The following BAHCC1 variants were observed in gnomAD, a reference collection of about 807,000 sequenced individuals.
The protein encoded by BAHCC1 is BAH domain and coiled-coil containing 1, also known as BAH and coiled-coil domain-containing protein 1.
Under a neutral mutation model 88.2 loss-of-function variants are expected in BAHCC1, and 43 were observed. The observed-to-expected ratio is 0.49, with a 90% CI of 0.38 to 0.63. The LOEUF (loss-of-function observed/expected upper bound fraction) is 0.63, where lower values mean the gene tolerates loss of function less well. BAHCC1 is among the 20% of genes least tolerant of loss of function. The pLI, the probability that BAHCC1 is intolerant of heterozygous loss-of-function variation, is 0.00. For synonymous variants in BAHCC1, 1,510 were observed against 745.5 expected, an observed-to-expected ratio of 2.03 and a Z score of -16.71; for missense variants, 3,023 against 1,654.8, an observed-to-expected ratio of 1.83 and a Z score of -14.34.
rs782094615 is a variant in BAHCC1 at position 81,444,993 on chromosome 17, C to T, written c.2672-22C>T. The T allele has an allele frequency of 6.9e-6, 5 of 726,736 alleles. No homozygotes were observed. In the African/African-American group the frequency reaches 7.0e-5, roughly 10 times the overall value. The allele number at this position is 726,736 out of a possible 1,614,324, so 45.0% of individuals were successfully genotyped here. A position where few individuals can be genotyped will look rare whatever the true frequency, so the allele number is the denominator to read the frequency against. ...CTGTCCCCTCCCCAGCCAGGCTGAC[C>T]CCTCCTGGGCCCTGCCCACAGCGGA... On this transcript the variant is annotated intron_variant, in intron 8 of 27. Coordinates refer to ENST00000675386, the MANE Select transcript of BAHCC1 (RefSeq NM_001377448.1).
intron 3 of BAHCC1, among the ~76,000 whole-genome samples, chr17:81,437,480 G>T (rs1227039392): frequency 6.6e-6 from 1 of 152,242 alleles, no homozygotes; most frequent in Admixed American, 6.5e-5. Flanking sequence ...CCTGGGCTGG[G>T]TTCTGGTGCC....
intron 2 of BAHCC1, among the ~76,000 whole-genome samples, chr17:81,421,762 C>T (rs12943203): frequency 0.67 from 102,543 of 152,166 alleles, 37,104 homozygotes; most frequent in East Asian, 0.88. Flanking sequence ...GCCAGTGAGA[C>T]GCCCTGGCAG....
intron 14 of BAHCC1, among the ~76,000 whole-genome samples, chr17:81,454,687 G>A (rs1209582842): frequency 6.6e-6 from 1 of 152,176 alleles, no homozygotes; most frequent in Non-Finnish European, 1.5e-5. Flanking sequence ...GTAGTATCAG[G>A]CCCTGAACAC....
At chr17:81,450,769 C>T (rs886962496) in intron 11 of BAHCC1, among the ~76,000 whole-genome samples, 24 of 152,180 alleles carry the variant, frequency 1.6e-4, no homozygotes, top group African/African-American at 5.8e-4. Context: ...GCCCTCCTCA[C>T]AAGGAATCGA....
chr17:81,435,184 C>T lies in BAHCC1; in HGVS notation c.359-3186C>T, dbSNP rs923823168. Among the ~76,000 whole-genome samples, 9 of 152,138 alleles carry T rather than the reference C, an allele frequency of 5.9e-5. No individual in the cohort carries two copies. Among genetic ancestry groups the T allele is most frequent in the Admixed American group, 3.3e-4 (5 of 15,286 alleles). On this transcript the variant is annotated intron_variant, in intron 3 of 27. Coordinates refer to ENST00000675386, the MANE Select transcript of BAHCC1 (RefSeq NM_001377448.1). This position sits in a 1 kb window ranked among gnomAD's most constrained non-coding sequence, Gnocchi z 4.4. Reference sequence around the variant, plus strand: ...ACCTGCAACCCTTGACCTCCCCAGACGTGGTGAGCTCAGGCCTGGGGGTGG... The same window carrying T: ...ACCTGCAACCCTTGACCTCCCCAGATGTGGTGAGCTCAGGCCTGGGGGTGG...
chr17:81,420,716 G>T (rs1463380867), intron 2 of BAHCC1, among the ~76,000 whole-genome samples: 1 of 152,282 alleles, frequency 6.6e-6, no homozygotes, highest in Non-Finnish European at 1.5e-5. Flanking sequence ...GCCTGGGCCG[G>T]CTGGGCAGTG....
chr17:81,454,980 T>C (rs535874826), intron 14 of BAHCC1, among the ~76,000 whole-genome samples: 5 of 152,318 alleles, frequency 3.3e-5, no homozygotes, highest in Admixed American at 2.6e-4. Context: ...AACAGAAGCG[T>C]GCCCACTTCC....
At position 81,461,921 on chromosome 17, in the gene BAHCC1, C is replaced by T; in HGVS notation, c.7258C>T (p.Leu2420=). 2 of 753,064 alleles carry T rather than the reference C, an allele frequency of 2.7e-6. No homozygotes were observed. The highest frequency in any genetic ancestry group is 2.5e-5 in the East Asian group (1 of 39,518). 46.6% of individuals were successfully genotyped at this position (753,064 alleles called of 1,614,324 possible). A position where few individuals can be genotyped will look rare whatever the true frequency, so the allele number is the denominator to read the frequency against. Residue 2420 remains leucine (L), a synonymous_variant, in exon 26 of 28, where the codon CTG becomes TTG. Coordinates refer to ENST00000675386, the MANE Select transcript of BAHCC1 (RefSeq NM_001377448.1). ...SKSKLKRKEA[L]SFSKAKELSR... is the part of the protein sequence containing the mutation. ...ATCCAAGCTCAAGCGCAAAGAGGCC[C>T]TGAGCTTCTCCAAAGCCAAAGAGCT...
rs572901579 is a variant in BAHCC1, at chr17:81,413,214, G to C, written c.178+13297G>C. On this transcript the variant is annotated intron_variant, in intron 2 of 27. Coordinates refer to ENST00000675386, the MANE Select transcript of BAHCC1 (RefSeq NM_001377448.1). ...TGGCTGCCTCCCCTGTGCTGACCAT[G>C]CCCCCCCCGGGCGCTCGCTGCTGGC... 1,365 of 298,914 alleles carry C rather than the reference G, an allele frequency of 4.6e-3. 39 individuals carry two copies. The highest frequency in any genetic ancestry group is 0.033 in the South Asian group (1,343 of 41,256). The allele number at this position is 298,914 out of a possible 1,614,324, so 18.5% of individuals were successfully genotyped here. A position where few individuals can be genotyped will look rare whatever the true frequency, so the allele number is the denominator to read the frequency against.
At chr17:81,409,368 G>A (rs375769638) in intron 2 of BAHCC1, among the ~76,000 whole-genome samples, 4 of 152,236 alleles carry the variant, frequency 2.6e-5, no homozygotes, top group African/African-American at 4.8e-5. Flanking sequence ...CCTGTCCCCC[G>A]AAGGCTGGAG....
At position 81,442,425 on chromosome 17, in the gene BAHCC1, C is replaced by G; in HGVS notation, c.1076C>G (p.Thr359Arg). 1.4e-6 allele frequency: 1 copy of G among 704,654 alleles called. No individual in the cohort carries two copies. Among genetic ancestry groups the G allele is most frequent in the South Asian group, 1.5e-5 (1 of 66,090 alleles). The allele number at this position is 704,654 out of a possible 1,614,324, so 43.7% of individuals were successfully genotyped here. A position where few individuals can be genotyped will look rare whatever the true frequency, so the allele number is the denominator to read the frequency against. ...SYAGPPPPLS[T>R]AAGSFPCLQL... ...GCCGGGCCACCCCCGCCCCTCAGCA[C>G]AGCCGCCGGCTCCTTCCCCTGCCTG... is the stretch of plus-strand genomic sequence containing the variant. Residue 359 changes from threonine (T) to arginine (R), a missense_variant, in exon 5 of 28, where the codon ACA becomes AGA. Thr to Arg is a moderately conservative substitution (Grantham distance 71). Coordinates refer to ENST00000675386, the MANE Select transcript of BAHCC1 (RefSeq NM_001377448.1).
intron 1 of BAHCC1, among the ~76,000 whole-genome samples, chr17:81,397,842 C>A (rs570788105): frequency 6.6e-6 from 1 of 152,242 alleles, no homozygotes; most frequent in Non-Finnish European, 1.5e-5. Context: ...AAAGAGAACT[C>A]TTTGTGTAGA....
chr17:81,417,563 C>CCT (rs2064050564), intron 2 of BAHCC1, among the ~76,000 whole-genome samples: 2 of 130,828 alleles, frequency 1.5e-5, no homozygotes, highest in Admixed American at 7.4e-5. Context: ...CCACCCCCCC[C>CCT]CCGCCCTAGC....
chr17:81,431,223 T>C (rs1231141874), intron 3 of BAHCC1, among the ~76,000 whole-genome samples: 3 of 151,976 alleles, frequency 2.0e-5, no homozygotes, highest in Non-Finnish European at 2.9e-5. Context: ...AGCCCTCCCA[T>C]ACCCTCGGCC....
chr17:81,436,568 C>G (rs1295652851), intron 3 of BAHCC1, among the ~76,000 whole-genome samples: 1 of 152,158 alleles, frequency 6.6e-6, no homozygotes, highest in African/African-American at 2.4e-5. Context: ...CAAGGCCCTG[C>G]CCCTTGCCCT....
At chr17:81,429,862 T>G (rs944480231) in intron 3 of BAHCC1, among the ~76,000 whole-genome samples, 3 of 151,980 alleles carry the variant, frequency 2.0e-5, no homozygotes, top group Non-Finnish European at 2.9e-5. Context: ...AAGCGGGGCC[T>G]CCTCTCTCCC....
At chr17:81,446,584 T>C (rs1171976762) in intron 10 of BAHCC1, among the ~76,000 whole-genome samples, 3 of 135,234 alleles carry the variant, frequency 2.2e-5, no homozygotes, top group Non-Finnish European at 3.1e-5. Context: ...TATCTCCCTA[T>C]GTCGCCCAGT....
intron 2 of BAHCC1, among the ~76,000 whole-genome samples, chr17:81,423,021 G>A (rs982351713): frequency 1.1e-4 from 16 of 152,206 alleles, no homozygotes; most frequent in African/African-American, 2.6e-4. Flanking sequence ...GTCTGGCCCC[G>A]GCCCATGGCA....
chr17:81,408,344 G>A (rs2063906370), intron 2 of BAHCC1, among the ~76,000 whole-genome samples: 1 of 152,030 alleles, frequency 6.6e-6, no homozygotes, highest in African/African-American at 2.4e-5. Context: ...TCTGCGCCTG[G>A]GGTCCTAGAG....
Sources: allele counts gnomAD v4.1 joint callset (sites outside exome capture counted in the v4.1 genomes callset), GRCh38; gene constraint gnomAD v4.1.1; non-coding constraint Gnocchi (gnomAD v3.1); transcripts MANE v1.5; gene names NCBI Gene and HGNC (gene_info 2026-07-23, HGNC 2026-07-21).